The following KCNK2 variants were observed in gnomAD, a reference collection of about 807,000 sequenced individuals.
KCNK2 encodes potassium two pore domain channel subfamily K member 2.
KCNK2 carries 21 observed loss-of-function variants against 40.5 expected under a neutral mutation model. The ratio of observed to expected loss-of-function variants is 0.52; its 90% CI spans 0.37 to 0.75. KCNK2 has a LOEUF of 0.75. Ranked by LOEUF, KCNK2 falls within the 30% of genes least tolerant of loss-of-function variation. KCNK2 has a pLI of 0.00. For missense variants in KCNK2, 399 were observed against 531.6 expected (o/e 0.75, Z 2.45); for synonymous variants, 191 against 202.2 (o/e 0.94, Z 0.47).
chr1:215,071,441 T>C (rs1244787223), intron 1 of KCNK2, among the ~76,000 whole-genome samples: 3 of 152,176 alleles, frequency 2.0e-5, no homozygotes, highest in Admixed American at 6.5e-5. Context: ...AGCTGAGAAC[T>C]GAATCAACAT....
At chr1:215,049,379 TA>T in intron 1 of KCNK2, among the ~76,000 whole-genome samples, 1 of 152,312 alleles carries the variant, frequency 6.6e-6, no homozygotes, top group South Asian at 2.1e-4. Context: ...GATCTTTATA[TA>T]TTATAGATAC....
chr1:215,083,284 G>T lies in KCNK2; in HGVS notation c.-102G>T. ...AATGCCTGCCCGTGCAGCTCGGAGC[G>T]CGCAGCCCGTCTCTGAATAAGAAGT... On this transcript the variant is annotated 5_prime_UTR_variant, in exon 1 of 7. Transcript: ENST00000444842. 1 of 1,540,818 alleles carries T rather than the reference G, an allele frequency of 6.5e-7. No individual in the cohort carries two copies. The highest frequency in any genetic ancestry group is 2.7e-5 in the East Asian group (1 of 37,430).
intron 1 of KCNK2, among the ~76,000 whole-genome samples, chr1:215,022,115 C>CTATCTATA (rs1346956326): frequency 1.6e-5 from 2 of 124,142 alleles, no homozygotes; most frequent in African/African-American, 2.6e-5. Context: ...TCCTATCTAT[C>CTATCTATA]TATCTATCTA....
intron 2 of KCNK2, among the ~76,000 whole-genome samples, chr1:215,087,495 G>T (rs1659498700): frequency 1.3e-5 from 2 of 152,158 alleles, no homozygotes; most frequent in Non-Finnish European, 2.9e-5. Context: ...GATTTCTTTT[G>T]CATAAAACAA....
At chr1:215,218,129 C>T (rs1352958057) in intron 6 of KCNK2, among the ~76,000 whole-genome samples, 4 of 152,072 alleles carry the variant, frequency 2.6e-5, no homozygotes, top group African/African-American at 9.7e-5. Flanking sequence ...CAAATGTCTG[C>T]AAGACTTAAT....
intron 3 of KCNK2, among the ~76,000 whole-genome samples, chr1:215,137,174 T>C (rs1333645517): frequency 6.6e-6 from 1 of 152,184 alleles, no homozygotes; most frequent in East Asian, 1.9e-4. Flanking sequence ...ATGATATTAC[T>C]TAGGGTTTCC....
intron 3 of KCNK2, among the ~76,000 whole-genome samples, chr1:215,139,237 A>G (rs547850818): frequency 6.6e-6 from 1 of 152,280 alleles, no homozygotes; most frequent in African/African-American, 2.4e-5. Flanking sequence ...GGAATCATTT[A>G]TGTATGGATA....
At chr1:215,032,320 A>C (rs1043258188) in intron 1 of KCNK2, among the ~76,000 whole-genome samples, 1 of 151,994 alleles carries the variant, frequency 6.6e-6, no homozygotes, top group African/African-American at 2.4e-5. Flanking sequence ...TGAGGTGGAG[A>C]ATCGCTGGGC....
intron 1 of KCNK2, among the ~76,000 whole-genome samples, chr1:215,015,564 G>T (rs61819981): frequency 6.6e-6 from 1 of 152,004 alleles, no homozygotes; most frequent in Non-Finnish European, 1.5e-5. Context: ...TGGTTAGCAG[G>T]TGGACATTTT....
intron 2 of KCNK2, among the ~76,000 whole-genome samples, chr1:215,121,014 A>C (rs940798758): frequency 2.0e-5 from 3 of 152,178 alleles, no homozygotes; most frequent in Non-Finnish European, 4.4e-5. Flanking sequence ...TGATGACTTT[A>C]TGTGACAAAA....
At chr1:215,218,238 G>T (rs1320531718) in intron 6 of KCNK2, among the ~76,000 whole-genome samples, 1 of 152,168 alleles carries the variant, frequency 6.6e-6, no homozygotes, top group Non-Finnish European at 1.5e-5. Flanking sequence ...CATGGGAGTG[G>T]ATATTGACCT....
chr1:215,231,898 A>G (rs1344399902), intron 6 of KCNK2, among the ~76,000 whole-genome samples: 1 of 152,168 alleles, frequency 6.6e-6, no homozygotes, highest in Non-Finnish European at 1.5e-5. Context: ...TCCCCTTTAT[A>G]AAACCATCAG....
At chr1:215,209,220 T>C (rs1471740684) in intron 6 of KCNK2, among the ~76,000 whole-genome samples, 5 of 132,402 alleles carry the variant, frequency 3.8e-5, no homozygotes, top group African/African-American at 5.7e-5. Context: ...TACACATATT[T>C]TTATATATAA....
intron 2 of KCNK2, among the ~76,000 whole-genome samples, chr1:215,118,948 G>A (rs899493025): frequency 6.6e-6 from 1 of 152,060 alleles, no homozygotes; most frequent in Non-Finnish European, 1.5e-5. Context: ...GGAGGAATTT[G>A]TTCAAAACAT....
intron 1 of KCNK2, among the ~76,000 whole-genome samples, chr1:215,059,506 T>C (rs1658296495): frequency 6.6e-6 from 1 of 151,916 alleles, no homozygotes; most frequent in Non-Finnish European, 1.5e-5. Context: ...TAGAGAAAAA[T>C]ATTAATAAGA....
chr1:215,221,147 G>A lies in KCNK2; in HGVS notation c.964-13681G>A, dbSNP rs1571746537. 2.0e-5 allele frequency among the ~76,000 whole-genome samples: 3 copies of A among 152,348 alleles called. No individual in the cohort carries two copies. The East Asian group carries it at 5.8e-4, about 29-fold the overall frequency. On this transcript the variant is annotated intron_variant, in intron 6 of 6. Transcript: ENST00000444842. Reference sequence around the variant, plus strand: ...CACTTTGAGAGGCCAAGGCCAAGGTGGGTGGATCATGAGGTCAGGAGTTTG... The same window carrying A: ...CACTTTGAGAGGCCAAGGCCAAGGTAGGTGGATCATGAGGTCAGGAGTTTG...
chr1:215,023,934 A>G (rs1030639139), intron 1 of KCNK2, among the ~76,000 whole-genome samples: 1 of 152,166 alleles, frequency 6.6e-6, no homozygotes, highest in African/African-American at 2.4e-5. Flanking sequence ...TTAGGACACA[A>G]AAGAGGAGAA....
chr1:215,179,988 G>A (rs1571701233), intron 5 of KCNK2, among the ~76,000 whole-genome samples: 1 of 151,964 alleles, frequency 6.6e-6, no homozygotes, highest in Non-Finnish European at 1.5e-5. Context: ...TATATGGCTA[G>A]CTGAGTCTTT....
intron 2 of KCNK2, among the ~76,000 whole-genome samples, chr1:215,107,812 G>A (rs1242957215): frequency 1.3e-5 from 2 of 152,024 alleles, no homozygotes; most frequent in African/African-American, 4.8e-5. Context: ...ACAAACCACA[G>A]ATGAAAAATA....
Sources: allele counts gnomAD v4.1 joint callset (sites outside exome capture counted in the v4.1 genomes callset), GRCh38; gene constraint gnomAD v4.1.1; transcripts MANE v1.5; gene names NCBI Gene and HGNC (gene_info 2026-07-23, HGNC 2026-07-21).